Variants in NFIB observed in about 807,000 individuals in gnomAD.
NFIB encodes the protein nuclear factor I B.
A neutral mutation model predicts 61.5 loss-of-function variants in NFIB; 11 were observed. That is an observed-to-expected ratio of 0.18 (90% confidence interval 0.11 to 0.30). NFIB has a LOEUF of 0.30. Ranked by LOEUF, NFIB falls within the 10% of genes least tolerant of loss-of-function variation. The pLI is 1.00. For synonymous variants in NFIB, 260 were observed against 216.5 expected, an observed-to-expected ratio of 1.20 and a Z score of -1.76; for missense variants, 471 against 608.9, an observed-to-expected ratio of 0.77 and a Z score of 2.38.
chr9:14,160,861 AG>A (rs1437374457), intron 3 of NFIB, among the ~76,000 whole-genome samples: 2 of 150,462 alleles, frequency 1.3e-5, no homozygotes, highest in Non-Finnish European at 3.0e-5. Flanking sequence ...ACAGAAAAAA[AG>A]AAGAAAGCAT....
chr9:14,481,195 G>GTGTGTATA, the NFIB span, among the ~76,000 whole-genome samples: 17 of 35,062 alleles, frequency 4.8e-4, no homozygotes, highest in African/African-American at 1.5e-3. Flanking sequence ...GTGTGTGTGT[G>GTGTGTATA]TGTATATATA....
At chr9:14,273,839 G>A (rs922883003) in intron 2 of NFIB, among the ~76,000 whole-genome samples, 19 of 152,156 alleles carry the variant, frequency 1.2e-4, no homozygotes, top group African/African-American at 4.6e-4. Context: ...GAGCTGCAAA[G>A]GAAAAGTCTC....
the NFIB span, among the ~76,000 whole-genome samples, chr9:14,504,326 C>T: frequency 6.6e-6 from 1 of 152,060 alleles, no homozygotes; most frequent in Non-Finnish European, 1.5e-5. Flanking sequence ...TTTTTGGTTC[C>T]ATATGAATCT....
intron 2 of NFIB, among the ~76,000 whole-genome samples, chr9:14,272,691 G>A (rs1446547593): frequency 8.6e-5 from 2 of 23,370 alleles, no homozygotes; most frequent in Admixed American, 7.4e-4. Flanking sequence ...ATCAATTCTC[G>A]CAAAAAAAAA....
At chr9:14,089,725 AG>A (rs1315972847) in intron 10 of NFIB, among the ~76,000 whole-genome samples, 3 of 152,188 alleles carry the variant, frequency 2.0e-5, no homozygotes, top group Non-Finnish European at 4.4e-5. Context: ...CTATTGTTGT[AG>A]CTATCAATCT....
the NFIB span, among the ~76,000 whole-genome samples, chr9:14,486,443 G>C: frequency 6.6e-6 from 1 of 152,144 alleles, no homozygotes; most frequent in African/African-American, 2.4e-5. Context: ...TGGTGATCTG[G>C]ATTAAAAACT....
chr9:14,367,084 A>G (rs2061309156), intron 1 of NFIB, among the ~76,000 whole-genome samples: 1 of 152,168 alleles, frequency 6.6e-6, no homozygotes, highest in African/African-American at 2.4e-5. Context: ...GACCATGATA[A>G]TGACATTGGA....
intron 2 of NFIB, among the ~76,000 whole-genome samples, chr9:14,235,691 G>A (rs185909372): frequency 7.2e-5 from 11 of 152,280 alleles, no homozygotes; most frequent in Non-Finnish European, 1.0e-4. Context: ...TTACAATTAG[G>A]TGCTAAATCA....
the NFIB span, among the ~76,000 whole-genome samples, chr9:14,422,191 C>T: frequency 6.6e-6 from 1 of 152,202 alleles, no homozygotes; most frequent in African/African-American, 2.4e-5. Context: ...ATGAGAATAA[C>T]AACTCCCCAT....
intron 1 of NFIB, among the ~76,000 whole-genome samples, chr9:14,378,824 C>A (rs1003635898): frequency 1.3e-5 from 2 of 152,138 alleles, no homozygotes; most frequent in African/African-American, 4.8e-5. Context: ...TCCCTGCCCA[C>A]CCTCCGGCCC....
chr9:14,316,418 C>G (rs2060541906), upstream of NFIB, among the ~76,000 whole-genome samples: 1 of 152,170 alleles, frequency 6.6e-6, no homozygotes, highest in Non-Finnish European at 1.5e-5. Flanking sequence ...GGGGAGATCG[C>G]GCGGACCCCT....
the NFIB span, among the ~76,000 whole-genome samples, chr9:14,469,378 C>A: frequency 6.6e-6 from 1 of 152,158 alleles, no homozygotes; most frequent in Admixed American, 6.5e-5. Flanking sequence ...ATGTATAGAG[C>A]TCTTCCCTGG....
At chr9:14,441,590 C>T in the NFIB span, among the ~76,000 whole-genome samples, 1 of 113,992 alleles carries the variant, frequency 8.8e-6, no homozygotes, top group East Asian at 2.7e-4. Flanking sequence ...TCTTTTTCTT[C>T]TTCCTCTTTT....
At position 14,231,135 on chromosome 9, in the gene NFIB, A is replaced by AATAT. The variant is rs1554681460; in HGVS notation, c.563-51359_563-51356dup. Among the ~76,000 whole-genome samples, 239 of 35,328 alleles carry AATAT rather than the reference A, an allele frequency of 6.8e-3. 5 individuals are homozygous for AATAT. The highest frequency in any genetic ancestry group is 0.022 in the South Asian group (12 of 552). 23.2% of individuals were successfully genotyped at this position (35,328 alleles called of 152,430 possible). A position where few individuals can be genotyped will look rare whatever the true frequency, so the allele number is the denominator to read the frequency against. Reference sequence around the variant, plus strand: ...TTTCCATGGGGAAAAAAAAAAAAAAAATATATATATATATATATATATATA... The same window carrying AATAT: ...TTTCCATGGGGAAAAAAAAAAAAAAAATATATATATATATATATATATATATATA... On this transcript the variant is annotated intron_variant, in intron 2 of 10. Coordinates refer to ENST00000380953, the MANE Select transcript of NFIB (RefSeq NM_001190737.2).
chr9:14,440,298 T>C, the NFIB span, among the ~76,000 whole-genome samples: 1 of 152,176 alleles, frequency 6.6e-6, no homozygotes, highest in African/African-American at 2.4e-5. Context: ...AAATATTGAA[T>C]TGGCCTGGGT....
At chr9:14,418,733 T>A in the NFIB span, among the ~76,000 whole-genome samples, 1 of 152,168 alleles carries the variant, frequency 6.6e-6, no homozygotes, top group Non-Finnish European at 1.5e-5. Context: ...TCAATAAAAT[T>A]CCCATATTAC....
At chr9:14,240,768 C>A (rs1465445687) in intron 2 of NFIB, among the ~76,000 whole-genome samples, 1 of 152,172 alleles carries the variant, frequency 6.6e-6, no homozygotes. Flanking sequence ...CTTTAGCCAT[C>A]ATCACCACCT....
chr9:14,117,577 C>T (rs1041732929), intron 8 of NFIB, among the ~76,000 whole-genome samples: 1 of 152,016 alleles, frequency 6.6e-6, no homozygotes, highest in Non-Finnish European at 1.5e-5. Flanking sequence ...AGATGAACAG[C>T]TAATAACACT....
intron 1 of NFIB, among the ~76,000 whole-genome samples, chr9:14,391,023 A>C (rs1369955393): frequency 6.6e-6 from 1 of 152,244 alleles, no homozygotes; most frequent in Non-Finnish European, 1.5e-5. Flanking sequence ...CACATTTCAC[A>C]TACAGAAGAA....
Sources: allele counts gnomAD v4.1 joint callset (sites outside exome capture counted in the v4.1 genomes callset), GRCh38; gene constraint gnomAD v4.1.1; transcripts MANE v1.5; gene names NCBI Gene and HGNC (gene_info 2026-07-23, HGNC 2026-07-21).